The following B3GALT1 variants were observed in gnomAD, a reference collection of about 807,000 sequenced individuals.
The protein encoded by B3GALT1 is beta-1,3-galactosyltransferase 1, also known as UDP-Gal:betaGlcNAc beta 1,3-galactosyltransferase, polypeptide 1.
In B3GALT1, 10 loss-of-function variants were observed where a neutral mutation model predicts 23.2. That is an observed-to-expected ratio of 0.43 (90% CI 0.27 to 0.73). The LOEUF (loss-of-function observed/expected upper bound fraction) is 0.73, where lower values mean the gene tolerates loss of function less well. B3GALT1 is among the 30% of genes least tolerant of loss of function. B3GALT1 has a pLI of 0.21. For missense variants in B3GALT1, 299 were observed against 405.4 expected, an observed-to-expected ratio of 0.74 and a Z score of 2.25; for synonymous variants, 156 against 141.5, an observed-to-expected ratio of 1.10 and a Z score of -0.73.
At chr2:167,524,768 T>C (rs1683192406) in intron 2 of B3GALT1, among the ~76,000 whole-genome samples, 2 of 152,222 alleles carry the variant, frequency 1.3e-5, no homozygotes, top group African/African-American at 4.8e-5. Context: ...GAGAGAAAGC[T>C]CACAAGTATA....
rs867998067 is a variant in B3GALT1, at chr2:167,512,582, A to G, written c.-410+22305A>G. Among the ~76,000 whole-genome samples, 158 of 75,300 alleles carry G rather than the reference A, an allele frequency of 2.1e-3. 13 individuals carry two copies. In the South Asian group the frequency reaches 0.052, roughly 25 times the overall value. 49.4% of individuals were successfully genotyped at this position (75,300 alleles called of 152,430 possible). ...TATATATATATGTATATATATATGT[A>G]TATATATATGTGTATATATATATAT... On this transcript the variant is annotated intron_variant, in intron 2 of 4. Transcript: ENST00000392690.
intron 4 of B3GALT1, among the ~76,000 whole-genome samples, chr2:167,849,817 G>A (rs1352556841): frequency 6.6e-6 from 1 of 151,226 alleles, no homozygotes; most frequent in Admixed American, 6.6e-5. Context: ...GTGAACCCGG[G>A]AGGCGGAGCT....
At chr2:167,605,485 A>T (rs1224226468) in intron 2 of B3GALT1, among the ~76,000 whole-genome samples, 1 of 151,928 alleles carries the variant, frequency 6.6e-6, no homozygotes, top group Non-Finnish European at 1.5e-5. Flanking sequence ...CTCAGATGGC[A>T]TGTCAACCCG....
At chr2:167,318,320 A>AAAACAAAC (rs1016308634) in intron 1 of B3GALT1, among the ~76,000 whole-genome samples, 12 of 152,084 alleles carry the variant, frequency 7.9e-5, no homozygotes, top group Non-Finnish European at 1.8e-4. Flanking sequence ...ACTCTGTCTC[A>AAAACAAAC]AAACAAACAA....
chr2:167,693,623 A>G (rs984024576), intron 3 of B3GALT1, among the ~76,000 whole-genome samples: 1 of 152,146 alleles, frequency 6.6e-6, no homozygotes, highest in African/African-American at 2.4e-5. Flanking sequence ...CAAACTCAAT[A>G]CACTAATGAT....
intron 3 of B3GALT1, among the ~76,000 whole-genome samples, chr2:167,759,223 G>A (rs13020495): frequency 0.4 from 60,515 of 152,020 alleles, 12,415 homozygotes; most frequent in East Asian, 0.61. Flanking sequence ...GCATATGACT[G>A]TGGCTAAGAG....
chr2:167,588,773 A>G (rs1684620333), intron 2 of B3GALT1, among the ~76,000 whole-genome samples: 1 of 151,874 alleles, frequency 6.6e-6, no homozygotes, highest in Admixed American at 6.6e-5. Flanking sequence ...TCCAAAAAGA[A>G]AATGGTTATA....
In B3GALT1 at chr2:167,318,098, C is replaced by T. The variant is rs538905735; in HGVS notation, c.-511+24764C>T. ...ATCCCAGTGCTTTGGGAGGCCGAGG[C>T]GGGTGGATCATGAGGTCAGGAGTTT... On this transcript the variant is annotated intron_variant, in intron 1 of 4. Coordinates refer to ENST00000392690, the MANE Select transcript of B3GALT1 (RefSeq NM_020981.4). Among the ~76,000 whole-genome samples, 7 of 152,032 alleles carry T rather than the reference C, an allele frequency of 4.6e-5. No homozygotes were observed. In the East Asian group the frequency reaches 5.8e-4, roughly 13 times the overall value.
chr2:167,401,404 A>G (rs1698186799), intron 1 of B3GALT1, among the ~76,000 whole-genome samples: 1 of 152,064 alleles, frequency 6.6e-6, no homozygotes, highest in Non-Finnish European at 1.5e-5. Context: ...TTCTGTGTAG[A>G]GTTCCACATT....
intron 2 of B3GALT1, among the ~76,000 whole-genome samples, chr2:167,498,932 G>A (rs1016324020): frequency 6.6e-6 from 1 of 152,054 alleles, no homozygotes; most frequent in South Asian, 2.1e-4. Flanking sequence ...ATTTTCAACA[G>A]GAAAAGAGGC....
chr2:167,807,252 T>C (rs1185094369), intron 3 of B3GALT1, among the ~76,000 whole-genome samples: 1 of 152,204 alleles, frequency 6.6e-6, no homozygotes, highest in Admixed American at 6.5e-5. Context: ...TTGTTGATCT[T>C]TTCAAAAAAC....
chr2:167,438,421 G>A (rs1285056091), intron 1 of B3GALT1, among the ~76,000 whole-genome samples: 1 of 152,208 alleles, frequency 6.6e-6, no homozygotes. Context: ...TGACTGTTTG[G>A]TCAAAGGTTG....
intron 1 of B3GALT1, among the ~76,000 whole-genome samples, chr2:167,414,778 T>C (rs1339009911): frequency 1.3e-5 from 2 of 152,332 alleles, no homozygotes; most frequent in East Asian, 3.9e-4. Flanking sequence ...TAATATGGAT[T>C]CATTCAAATT....
At chr2:167,522,278 A>T (rs1700201870) in intron 2 of B3GALT1, among the ~76,000 whole-genome samples, 1 of 151,998 alleles carries the variant, frequency 6.6e-6, no homozygotes, top group South Asian at 2.1e-4. Context: ...GAGAAGACAA[A>T]CTAAATATAC....
intron 1 of B3GALT1, among the ~76,000 whole-genome samples, chr2:167,441,431 A>C (rs1284518801): frequency 1.3e-5 from 2 of 151,980 alleles, no homozygotes; most frequent in African/African-American, 4.8e-5. Context: ...CTGCTGCCTC[A>C]GGTCTTGGGT....
At chr2:167,754,929 C>T (rs941144280) in intron 3 of B3GALT1, among the ~76,000 whole-genome samples, 1 of 152,206 alleles carries the variant, frequency 6.6e-6, no homozygotes, top group African/African-American at 2.4e-5. Flanking sequence ...AACAGTTTAT[C>T]CAGATGTTTT....
chr2:167,760,653 A>C (rs932317615), intron 3 of B3GALT1, among the ~76,000 whole-genome samples: 2 of 152,230 alleles, frequency 1.3e-5, no homozygotes, highest in African/African-American at 4.8e-5. Flanking sequence ...TAAACATAAG[A>C]AAATTATCTT....
intron 4 of B3GALT1, among the ~76,000 whole-genome samples, chr2:167,867,558 G>A (rs1690259246): frequency 6.6e-6 from 1 of 152,136 alleles, no homozygotes; most frequent in African/African-American, 2.4e-5. Context: ...GATATATATT[G>A]TCTCTGCTGT....
chr2:167,332,138 C>A (rs73015863), intron 1 of B3GALT1, among the ~76,000 whole-genome samples: 3,028 of 152,164 alleles, frequency 0.02, 123 homozygotes, highest in African/African-American at 0.069. Flanking sequence ...ATGTTAATCT[C>A]AGAGTACACA....
Sources: allele counts gnomAD v4.1 joint callset (sites outside exome capture counted in the v4.1 genomes callset), GRCh38; gene constraint gnomAD v4.1.1; transcripts MANE v1.5; gene names NCBI Gene and HGNC (gene_info 2026-07-23, HGNC 2026-07-21).